Variants in IL6ST observed in about 807,000 individuals in gnomAD.
IL6ST encodes the protein interleukin-6 receptor subunit beta.
Under a neutral mutation model 91.3 loss-of-function variants are expected in IL6ST, and 24 were observed. The ratio of observed to expected loss-of-function variants is 0.26; its 90% CI spans 0.19 to 0.37. The LOEUF is 0.37. Among genes scored for constraint, IL6ST ranks in the 10% least tolerant of loss-of-function variants. IL6ST has a pLI of 1.00. For synonymous variants in IL6ST, 351 were observed against 373.6 expected (o/e 0.94, Z 0.70); for missense variants, 914 against 1,078.5 (o/e 0.85, Z 2.14).
chr5:55,976,746 T>C (rs183616025), intron 2 of IL6ST, among the ~76,000 whole-genome samples: 96 of 152,228 alleles, frequency 6.3e-4, no homozygotes, highest in East Asian at 2.3e-3. Flanking sequence ...TAACACCTAA[T>C]AGAACAGGCA....
rs778498676 is a variant in IL6ST, at chr5:55,951,966, A to G, written c.1662T>C (p.Tyr554=). ...VDVQNGFIRN[Y]TIFYRTIIGN... is the part of the protein sequence containing the mutation. ...CAATGATGGTTCTATAAAATATAGT[A>G]TAATTTCTGATAAATCCATTCTGAA... Residue 554 remains tyrosine, a synonymous_variant, in exon 13 of 17, where the codon TAT becomes TAC. Transcript: ENST00000381298. 16 of 1,506,662 alleles carry G rather than the reference A, an allele frequency of 1.1e-5. No homozygotes were observed. Among genetic ancestry groups the G allele is most frequent in the African/African-American group, 1.4e-5 (1 of 72,648 alleles). 93.3% of individuals were successfully genotyped at this position (1,506,662 alleles called of 1,614,324 possible).
At position 55,954,826 on chromosome 5, in the gene IL6ST, A is replaced by T; in HGVS notation, c.1434T>A (p.His478Gln). 1 of 1,609,972 alleles carries T rather than the reference A, an allele frequency of 6.2e-7. No homozygotes were observed. Among genetic ancestry groups the T allele is most frequent in the Non-Finnish European group, 8.5e-7 (1 of 1,178,482 alleles). The change falls in exon 11 of 17, where the codon CAT becomes CAA. Residue 478 changes from histidine (H) to glutamine (Q), a missense_variant. Transcript: ENST00000381298. ...TDWQQEDGTVHRTYLRGNLAE... is the reference protein window; with the variant it reads ...TDWQQEDGTVQRTYLRGNLAE... ...CAGGTATACCTCTTAAATAGGTGCGATGCACGGTACCATCTTCTTGTTGCC... is the reference window on the plus strand; with the variant it reads ...CAGGTATACCTCTTAAATAGGTGCGTTGCACGGTACCATCTTCTTGTTGCC...
chr5:55,986,176 T>C (rs1295545615), intron 1 of IL6ST, among the ~76,000 whole-genome samples: 1 of 152,242 alleles, frequency 6.6e-6, no homozygotes, highest in African/African-American at 2.4e-5. Context: ...ACTGATTTTC[T>C]GACTACTACT....
chr5:55,964,368 G>C, intron 5 of IL6ST, 56 bp from the exon 6 acceptor site: 1 of 1,331,218 alleles, frequency 7.5e-7, no homozygotes. Context: ...AAAAATTAGA[G>C]TGAAAAAAAT....
In IL6ST at chr5:55,969,412, G is replaced by A. The variant is rs548680469; in HGVS notation, c.370+138C>T. The A allele has an allele frequency of 6.7e-6, 4 of 597,226 alleles. No homozygotes were observed. The East Asian group carries it at 8.4e-5, about 12-fold the overall frequency. 37.0% of individuals were successfully genotyped at this position (597,226 alleles called of 1,614,324 possible). A position where few individuals can be genotyped will look rare whatever the true frequency, so the allele number is the denominator to read the frequency against. ...GGAGACTTGTGGTTCCTACTTCTAA[G>A]CTTATTTTTTAAAAACCAAACATGT... On this transcript the variant is annotated intron_variant, in intron 4 of 16. Transcript: ENST00000381298.
chr5:55,941,759 C>T lies in IL6ST; in HGVS notation c.2080G>A (p.Val694Met), dbSNP rs1265205521. The T allele has an allele frequency of 2.5e-6, 4 of 1,613,630 alleles. No homozygotes were observed. The highest frequency in any genetic ancestry group is 1.3e-5 in the African/African-American group (1 of 74,922). The part of the protein sequence containing the change: ...SDGNFTDVSV[V>M]EIEANDKKPF... Reference sequence around the variant, plus strand: ...TTTTTGTCATTTGCTTCTATTTCCACAACACTTACATCAGTGAAATTGCCA... The same window carrying T: ...TTTTTGTCATTTGCTTCTATTTCCATAACACTTACATCAGTGAAATTGCCA... The change falls in exon 17 of 17, where the codon GTG becomes ATG. Residue 694 changes from valine (V) to methionine (M), a missense_variant. By Grantham distance (21) the Val-to-Met change is conservative (BLOSUM62 1). Coordinates refer to ENST00000381298, the MANE Select transcript of IL6ST (RefSeq NM_002184.4).
At chr5:55,977,436 T>C (rs1276939669) in intron 2 of IL6ST, among the ~76,000 whole-genome samples, 1 of 152,050 alleles carries the variant, frequency 6.6e-6, no homozygotes, top group Non-Finnish European at 1.5e-5. Context: ...CAGGGTTGCC[T>C]AGGGCTGAGG....
chr5:55,967,410 GAACA>G (rs1258195291), intron 5 of IL6ST, among the ~76,000 whole-genome samples: 2 of 127,370 alleles, frequency 1.6e-5, no homozygotes, highest in Non-Finnish European at 3.3e-5. Context: ...TAAGAAAAAA[GAACA>G]AATAGAACCT....
intron 15 of IL6ST, among the ~76,000 whole-genome samples, chr5:55,945,648 CTTTTTTTTTTTT>C (rs70995749): frequency 3.4e-4 from 14 of 41,680 alleles, no homozygotes; most frequent in East Asian, 9.2e-4. Flanking sequence ...AAAACTTATG[CTTTTTTTTTTTT>C]TTTTTTTTTT....
At chr5:55,961,142 C>T (rs942717381) in intron 7 of IL6ST, among the ~76,000 whole-genome samples, 4 of 152,160 alleles carry the variant, frequency 2.6e-5, no homozygotes, top group Non-Finnish European at 4.4e-5. Context: ...AAAAGCAGTC[C>T]AAATCAGTAA....
chr5:55,980,060 A>G (rs1580856627), intron 2 of IL6ST, among the ~76,000 whole-genome samples: 1 of 152,208 alleles, frequency 6.6e-6, no homozygotes, highest in South Asian at 2.1e-4. Context: ...AACAATATAC[A>G]AGAAAACAAA....
intron 11 of IL6ST, among the ~76,000 whole-genome samples, chr5:55,953,200 G>A (rs1247068453): frequency 6.6e-6 from 1 of 152,078 alleles, no homozygotes; most frequent in East Asian, 1.9e-4. Flanking sequence ...CAATAAGAAT[G>A]TATATTCCTT....
rs554775919 is a variant in IL6ST, at chr5:55,956,142, C to G, written c.1150G>C (p.Ala384Pro). 2 of 1,611,614 alleles carry G rather than the reference C, an allele frequency of 1.2e-6. No individual in the cohort carries two copies. The highest frequency in any genetic ancestry group is 1.7e-6 in the Non-Finnish European group (2 of 1,177,710). The change falls in exon 10 of 17, where the codon GCC becomes CCC. Residue 384 changes from alanine to proline, a missense_variant. Ala to Pro is a conservative substitution (Grantham distance 27, BLOSUM62 -1). Coordinates refer to ENST00000381298, the MANE Select transcript of IL6ST (RefSeq NM_002184.4). ...KSHLQNYTVN[A>P]TKLTVNLTND... Reference sequence around the variant, plus strand: ...GTGAGATTTACTGTCAGTTTTGTGGCATTAACTGTGTAATTTTGTAAATGT... The same window carrying G: ...GTGAGATTTACTGTCAGTTTTGTGGGATTAACTGTGTAATTTTGTAAATGT...
chr5:55,985,422 CA>C (rs1479985480), intron 1 of IL6ST, among the ~76,000 whole-genome samples: 1 of 150,890 alleles, frequency 6.6e-6, no homozygotes, highest in Non-Finnish European at 1.5e-5. Context: ...GAAGCTGAGG[CA>C]AGAGAACTGC....
chr5:55,940,233 T>G lies in IL6ST; in HGVS notation c.*849A>C, dbSNP rs1750811589. 1 of 211,362 alleles carries G rather than the reference T, an allele frequency of 4.7e-6. No homozygotes were observed. Among genetic ancestry groups the G allele is most frequent in the Non-Finnish European group, 9.6e-6 (1 of 104,208 alleles). The allele number at this position is 211,362 out of a possible 1,614,324, so 13.1% of individuals were successfully genotyped here. A position where few individuals can be genotyped will look rare whatever the true frequency, so the allele number is the denominator to read the frequency against. On this transcript the variant is annotated 3_prime_UTR_variant, in exon 17 of 17. Transcript: ENST00000381298. ...GTTTTTTTTCCCCTTTACTACTACTTCCTGTTTTCCCCTTTACTACTACAA... is the reference window on the plus strand; with the variant it reads ...GTTTTTTTTCCCCTTTACTACTACTGCCTGTTTTCCCCTTTACTACTACAA...
chr5:55,944,878 C>T (rs921044564), intron 15 of IL6ST: 3 of 573,916 alleles, frequency 5.2e-6, no homozygotes, highest in Admixed American at 2.2e-5. Context: ...CCTCTGATCG[C>T]CGATCACCTC....
At chr5:55,963,815 A>G (rs1258986446) in intron 6 of IL6ST, among the ~76,000 whole-genome samples, 1 of 152,172 alleles carries the variant, frequency 6.6e-6, no homozygotes, top group Admixed American at 6.5e-5. Context: ...TGTAATTACA[A>G]TGGTGTAAGA....
rs1750558801 is a variant in IL6ST, at chr5:55,936,783, G to A, written c.*4299C>T. The A allele has an allele frequency of 5.2e-6, 1 of 192,874 alleles. No individual in the cohort carries two copies. Among genetic ancestry groups the A allele is most frequent in the Non-Finnish European group, 1.1e-5 (1 of 92,342 alleles). The allele number at this position is 192,874 out of a possible 1,614,324, so 11.9% of individuals were successfully genotyped here. A position where few individuals can be genotyped will look rare whatever the true frequency, so the allele number is the denominator to read the frequency against. ...TTACAATTAGCACATGCAATTCACT[G>A]CAAAGGTAAAAATACATGCTATACT... On this transcript the variant is annotated 3_prime_UTR_variant, in exon 17 of 17. Coordinates refer to ENST00000381298, the MANE Select transcript of IL6ST (RefSeq NM_002184.4).
In IL6ST at chr5:55,977,693, G is replaced by A. The variant is rs182151483; in HGVS notation, c.-15-1400C>T. Among the ~76,000 whole-genome samples the A allele has an allele frequency of 3.9e-5, 6 of 152,282 alleles. No individual in the cohort carries two copies. In the East Asian group the frequency reaches 1.2e-3, roughly 29 times the overall value. The stretch of plus-strand genomic sequence containing the variant: ...ATACAAAAAGTAGCTTGGCGTGGTG[G>A]CGGGTGTCTGTGATGCCAGCTACTC... On this transcript the variant is annotated intron_variant, in intron 2 of 16. Transcript: ENST00000381298.
Sources: allele counts gnomAD v4.1 joint callset (sites outside exome capture counted in the v4.1 genomes callset), GRCh38; gene constraint gnomAD v4.1.1; transcripts MANE v1.5; gene names NCBI Gene and HGNC (gene_info 2026-07-23, HGNC 2026-07-21).